Variants in MOGAT3 observed in about 807,000 individuals in gnomAD.
MOGAT3 encodes monoacylglycerol O-acyltransferase 3, also known as 2-acylglycerol O-acyltransferase 3.
MOGAT3 carries 39 observed loss-of-function variants against 34.4 expected under a neutral mutation model. The ratio of observed to expected loss-of-function variants is 1.13; its 90% confidence interval spans 0.88 to 1.48. The LOEUF (loss-of-function observed/expected upper bound fraction) is 1.48, where lower values mean the gene tolerates loss of function less well. MOGAT3 is among the 40% of genes most tolerant of loss of function. MOGAT3 has a pLI of 0.00. For synonymous variants in MOGAT3, 209 were observed against 179.2 expected (o/e 1.17, Z -1.33); for missense variants, 439 against 438.9 (o/e 1.00, Z 0.00).
Position 101,198,645 on chromosome 7 carries a change from G to GCGATAGAC in MOGAT3, c.466_473dup (p.Asp159SerfsTer14). The GCGATAGAC allele has an allele frequency of 2.5e-6, 4 of 1,613,280 alleles. No homozygotes were observed. Among genetic ancestry groups the GCGATAGAC allele is most frequent in the Non-Finnish European group, 3.4e-6 (4 of 1,179,992 alleles). ...GCTCACCAAAGGACATGATGTAGTC[G>GCGATAGAC]CGATAGACCGGGAGGTAGAAGAGGC... On this transcript the variant is annotated frameshift_variant, in exon 4 of 7. Transcript: ENST00000223114. LOFTEE classifies it high-confidence loss of function.
chr7:101,193,786 T>C (rs1562880839), downstream of MOGAT3, among the ~76,000 whole-genome samples: 1 of 152,174 alleles, frequency 6.6e-6, no homozygotes, highest in Non-Finnish European at 1.5e-5. Context: ...TATCTGAGAA[T>C]GACCCAGGGA....
At chr7:101,199,473 C>T (rs1480821497) in intron 3 of MOGAT3, among the ~76,000 whole-genome samples, 4 of 152,066 alleles carry the variant, frequency 2.6e-5, no homozygotes, top group Admixed American at 2.0e-4. Context: ...CCACCATGTC[C>T]GGCTAATTTG....
chr7:101,197,327 C>T (rs926300136), intron 5 of MOGAT3, among the ~76,000 whole-genome samples: 3 of 152,014 alleles, frequency 2.0e-5, no homozygotes, highest in Non-Finnish European at 4.4e-5. Context: ...AAACTTCGGG[C>T]GTGCACTACC....
At position 101,200,838 on chromosome 7, in the gene MOGAT3, G is replaced by A. The variant is rs141091754; in HGVS notation, c.17C>T (p.Thr6Ile). 338 of 1,613,806 alleles carry A rather than the reference G, an allele frequency of 2.1e-4. No homozygotes were observed. Among genetic ancestry groups the A allele is most frequent in the Middle Eastern group, 8.2e-4 (5 of 6,062 alleles). MGVATTLQPPTTSKTL... is the reference protein window; with the variant it reads MGVATILQPPTTSKTL... ...TTTGGAAGTGGTTGGGGGCTGCAGG[G>A]TTGTGGCAACTCCCATTGCAGAAGC... Residue 6 changes from threonine (T) to isoleucine (I), a missense_variant, in exon 1 of 7, where the codon ACC becomes ATC. Thr to Ile is a moderately conservative substitution (Grantham distance 89). Coordinates refer to ENST00000223114, the MANE Select transcript of MOGAT3 (RefSeq NM_178176.4).
At chr7:101,193,547 A>G (rs1025319536), downstream of MOGAT3, among the ~76,000 whole-genome samples, 1 of 151,764 alleles carries the variant, frequency 6.6e-6, no homozygotes. Flanking sequence ...TCCTGCCTCA[A>G]TCTCTGGAGT....
Position 101,200,304 on chromosome 7 carries a change from C to T in MOGAT3, c.218G>A (p.Gly73Asp), listed in dbSNP as rs1489429394. 4 of 1,614,098 alleles carry T rather than the reference C, an allele frequency of 2.5e-6. No homozygotes were observed. Among genetic ancestry groups the T allele is most frequent in the Non-Finnish European group, 3.4e-6 (4 of 1,180,002 alleles). The change falls in exon 3 of 7, where the codon GGT becomes GAT. Residue 73 changes from glycine to aspartate, a missense_variant and splice_region_variant. Physicochemically the swap from Gly to Asp is moderately conservative, Grantham distance 94. Transcript: ENST00000223114. Reference protein sequence around the residue: ...LYVDWDTPNQGGRRSEWIRNR... With the variant: ...LYVDWDTPNQDGRRSEWIRNR... ...CCTTATCCACTCCGAACGCCTTCCA[C>T]CTGCGGACAATGAGATACTGGTGGA...
rs767301320 is a variant in MOGAT3 at position 101,198,172 on chromosome 7, G to T, written c.668+19C>A. The T allele has an allele frequency of 6.2e-6, 10 of 1,600,832 alleles. No individual in the cohort carries two copies. The South Asian group carries it at 1.1e-4, about 18-fold the overall frequency. On this transcript the variant is annotated intron_variant, in intron 5 of 6. Transcript: ENST00000223114. ...AAACCAGCAGAGAACTGACAGGTAG[G>T]GCCTGCACGCGCACTCACCCGTGCC...
chr7:101,194,718 G>A (rs1797739615), downstream of MOGAT3, among the ~76,000 whole-genome samples: 1 of 151,424 alleles, frequency 6.6e-6, no homozygotes. Context: ...AGCCAGGATG[G>A]TCTCGATCTC....
intron 5 of MOGAT3, among the ~76,000 whole-genome samples, chr7:101,197,552 T>C (rs1373005147): frequency 3.9e-5 from 6 of 152,080 alleles, no homozygotes; most frequent in Non-Finnish European, 1.5e-5. Context: ...TCTCATTCGG[T>C]CTTTGCAATA....
downstream of MOGAT3, among the ~76,000 whole-genome samples, chr7:101,194,171 TTTTTTTTTCA>T (rs1289971582): frequency 2.7e-5 from 3 of 112,972 alleles, no homozygotes; most frequent in East Asian, 6.4e-4. Context: ...TTTCTAGAAT[TTTTTTTTTCA>T]TTTTTTTCAT....
intron 5 of MOGAT3, among the ~76,000 whole-genome samples, chr7:101,197,089 C>T (rs971838070): frequency 6.7e-6 from 1 of 149,632 alleles, no homozygotes; most frequent in Non-Finnish European, 1.5e-5. Context: ...GAGGTTGCAG[C>T]GAGCCGAGAT....
In MOGAT3 at chr7:101,196,060, G is replaced by A. The variant is rs568399654; in HGVS notation, c.912C>T (p.Thr304=). The A allele has an allele frequency of 5.6e-6, 9 of 1,613,510 alleles. No homozygotes were observed. Among genetic ancestry groups the A allele is most frequent in the Admixed American group, 1.7e-5 (1 of 59,944 alleles). Residue 304 remains threonine, a synonymous_variant, in exon 7 of 7, where the codon ACC becomes ACT. Coordinates refer to ENST00000223114, the MANE Select transcript of MOGAT3 (RefSeq NM_178176.4). ...CGTGATAGTGATTGACTTCCTCCTCGGTGGGGTGGAGGCGCTGGGGGACGG... is the reference window on the plus strand; with the variant it reads ...CGTGATAGTGATTGACTTCCTCCTCAGTGGGGTGGAGGCGCTGGGGGACGG... ...PIPVPQRLHP[T]EEEVNHYHAL... is the part of the protein sequence containing the mutation.
chr7:101,196,495 C>G, intron 5 of MOGAT3, 106 bp from the exon 6 acceptor site: 1 of 703,396 alleles, frequency 1.4e-6, no homozygotes, highest in Non-Finnish European at 2.4e-6. Context: ...ATGCTACCTC[C>G]CAGGGTCATT....
At position 101,198,782 on chromosome 7, in the gene MOGAT3, C is replaced by A. The variant is rs760445652; in HGVS notation, c.337G>T (p.Ala113Ser). Residue 113 changes from alanine (A) to serine (S), a missense_variant, in exon 4 of 7, where the codon GCC (alanine) becomes TCC (serine). Transcript: ENST00000223114. ...LPPDRNYVLG[A>S]HPHGIMCTGF... ...GTACACATGATCCCATGAGGGTGGG[C>A]GCCCAGCACGTAGTTCCGATCCGGG... 6.2e-7 allele frequency: 1 copy of A among 1,613,934 alleles called. No individual in the cohort carries two copies. Among genetic ancestry groups the A allele is most frequent in the Non-Finnish European group, 8.5e-7 (1 of 1,179,988 alleles).
chr7:101,196,961 G>C (rs893799083), intron 5 of MOGAT3, among the ~76,000 whole-genome samples: 1 of 151,902 alleles, frequency 6.6e-6, no homozygotes, highest in Non-Finnish European at 1.5e-5. Context: ...TCAGGAGTTC[G>C]AGACCACCCT....
rs1164110594 is a variant in MOGAT3, at chr7:101,200,389, G to A, written c.217+19C>T. On this transcript the variant is annotated intron_variant, in intron 2 of 6. Transcript: ENST00000223114. The stretch of plus-strand genomic sequence containing the variant: ...GTCCCCACCATCTCTGGCTACCTGG[G>A]CCCCCATCCGGAGCTCACCTTGGTT... 1.9e-6 allele frequency: 3 copies of A among 1,611,558 alleles called. No individual in the cohort carries two copies. The highest frequency in any genetic ancestry group is 2.5e-6 in the Non-Finnish European group (3 of 1,177,996).
In MOGAT3 at chr7:101,195,845, G is replaced by C; in HGVS notation, c.*101C>G. The C allele has an allele frequency of 7.5e-7, 1 of 1,336,954 alleles. No individual in the cohort carries two copies. The highest frequency in any genetic ancestry group is 1.1e-6 in the Non-Finnish European group (1 of 952,042). 82.8% of individuals were successfully genotyped at this position (1,336,954 alleles called of 1,614,324 possible). A position where few individuals can be genotyped will look rare whatever the true frequency, so the allele number is the denominator to read the frequency against. On this transcript the variant is annotated 3_prime_UTR_variant, in exon 7 of 7. Transcript: ENST00000223114. ...TGGGATTACAGGCATGAGGCACTGC[G>C]CTGGGCCCAGAACTACCTTTTATTG...
At chr7:101,196,728 G>T (rs1279995189) in intron 5 of MOGAT3, among the ~76,000 whole-genome samples, 1 of 152,032 alleles carries the variant, frequency 6.6e-6, no homozygotes, top group African/African-American at 2.4e-5. Context: ...AATTAGCCAG[G>T]TGTGGAAGTG....
Position 101,195,845 on chromosome 7 carries a change from G to A in MOGAT3, c.*101C>T, listed in dbSNP as rs557068625. ...TGGGATTACAGGCATGAGGCACTGC[G>A]CTGGGCCCAGAACTACCTTTTATTG... On this transcript the variant is annotated 3_prime_UTR_variant, in exon 7 of 7. Coordinates refer to ENST00000223114, the MANE Select transcript of MOGAT3 (RefSeq NM_178176.4). The A allele has an allele frequency of 3.7e-4, 501 of 1,336,952 alleles. 1 individual carries two copies. In the Middle Eastern group the frequency reaches 8.5e-3, roughly 23 times the overall value. 82.8% of individuals were successfully genotyped at this position (1,336,952 alleles called of 1,614,324 possible).
Sources: gnomAD v4.1 joint callset for allele counts (sites outside exome capture counted in the v4.1 genomes callset) on GRCh38, gnomAD v4.1.1 for gene constraint, MANE v1.5 for transcripts, NCBI Gene and HGNC (gene_info 2026-07-23, HGNC 2026-07-21) for gene names.